The following FHIP1A variants were observed in gnomAD, a reference collection of about 807,000 sequenced individuals.
FHIP1A encodes the protein FHF complex subunit HOOK-interacting protein 1A.
A neutral mutation model predicts 88.6 loss-of-function variants in FHIP1A; 61 were observed. The ratio of observed to expected loss-of-function variants is 0.69; its 90% CI spans 0.56 to 0.85. The LOEUF (loss-of-function observed/expected upper bound fraction) is 0.85, where lower values mean the gene tolerates loss of function less well. FHIP1A is among the 40% of genes least tolerant of loss of function. FHIP1A has a pLI of 0.00. For missense variants in FHIP1A, 1,154 were observed against 1,273.5 expected (o/e 0.91, Z 1.43); for synonymous variants, 478 against 496.0 (o/e 0.96, Z 0.48).
rs1732734767 is a variant in FHIP1A at position 151,551,550 on chromosome 4, CTTTGA to C, written c.-122-14587_-122-14583del. Among the ~76,000 whole-genome samples the C allele has an allele frequency of 7.2e-5, 5 of 69,510 alleles. 1 individual carries two copies. The South Asian group carries it at 2.0e-3, about 28-fold the overall frequency. 45.6% of individuals were successfully genotyped at this position (69,510 alleles called of 152,430 possible). ...CACCACACATCTACAACCATCTGAT[CTTTGA>C]CAAACCTGACAAAAGCAAGAAATGG... is the stretch of plus-strand genomic sequence containing the variant. On this transcript the variant is annotated intron_variant, in intron 3 of 13. Coordinates refer to ENST00000435205, the MANE Select transcript of FHIP1A (RefSeq NM_001109977.3).
At chr4:151,571,280 G>A (rs948273586) in intron 4 of FHIP1A, among the ~76,000 whole-genome samples, 1 of 152,208 alleles carries the variant, frequency 6.6e-6, no homozygotes, top group Non-Finnish European at 1.5e-5. Context: ...CTTCTAGTTA[G>A]TTAATAGCCC....
chr4:151,456,349 A>G (rs1257570497), intron 2 of FHIP1A, among the ~76,000 whole-genome samples: 2 of 152,228 alleles, frequency 1.3e-5, no homozygotes, highest in Non-Finnish European at 2.9e-5. Flanking sequence ...AGACAGGGCC[A>G]GCGGGTGGTG....
chr4:151,468,390 G>A (rs1729401906), intron 2 of FHIP1A, among the ~76,000 whole-genome samples: 1 of 151,474 alleles, frequency 6.6e-6, no homozygotes, highest in African/African-American at 2.4e-5. Flanking sequence ...TAAACTTTTT[G>A]GGTGATTCTG....
rs114169142 is a variant in FHIP1A, at chr4:151,595,566, G to A, written c.978+6640G>A. On this transcript the variant is annotated intron_variant, in intron 7 of 13. Transcript: ENST00000435205. ...TTGGTCCAGAGCTGAGTTGAAGTCC[G>A]TCCTGGATATCTTTGTTAATTTTCT... is the stretch of plus-strand genomic sequence containing the variant. 6.1e-3 allele frequency among the ~76,000 whole-genome samples: 924 copies of A among 152,064 alleles called. 8 individuals carry two copies. The highest frequency in any genetic ancestry group is 0.02 in the African/African-American group (848 of 41,504).
At chr4:151,530,924 G>A (rs1731853390) in intron 3 of FHIP1A, among the ~76,000 whole-genome samples, 1 of 115,784 alleles carries the variant, frequency 8.6e-6, no homozygotes, top group Admixed American at 8.5e-5. Flanking sequence ...ATAATAATCA[G>A]GATAATTGCC....
At chr4:151,585,895 C>T (rs1734191649) in intron 5 of FHIP1A, among the ~76,000 whole-genome samples, 1 of 152,136 alleles carries the variant, frequency 6.6e-6, no homozygotes, top group Admixed American at 6.5e-5. Flanking sequence ...ATTCACCTTC[C>T]ATGTGATGCT....
chr4:151,664,168 G>T lies in FHIP1A; in HGVS notation c.*1414G>T, dbSNP rs1318713195. ...TGTTTGGAAGGAAATTGGAAGGTTT[G>T]TCTCTCTCTGTTCTTTGTGGGCATC... On this transcript the variant is annotated 3_prime_UTR_variant, in exon 14 of 14. Transcript: ENST00000435205. Among the ~76,000 whole-genome samples the T allele has an allele frequency of 6.6e-6, 1 of 152,188 alleles. No individual in the cohort carries two copies. The highest frequency in any genetic ancestry group is 1.5e-5 in the Non-Finnish European group (1 of 68,032).
intron 7 of FHIP1A, among the ~76,000 whole-genome samples, chr4:151,600,380 A>G (rs1734817485): frequency 6.6e-6 from 1 of 152,154 alleles, no homozygotes; most frequent in African/African-American, 2.4e-5. Flanking sequence ...AGAAGCAGAG[A>G]AGTCTAGAAT....
chr4:151,540,451 A>G (rs545329718), intron 3 of FHIP1A, among the ~76,000 whole-genome samples: 1 of 152,330 alleles, frequency 6.6e-6, no homozygotes, highest in Admixed American at 6.5e-5. Context: ...TAGCTTTTCA[A>G]ATACTTAAAT....
chr4:151,492,130 A>G (rs1730304477), intron 3 of FHIP1A, among the ~76,000 whole-genome samples: 1 of 148,880 alleles, frequency 6.7e-6, no homozygotes, highest in Admixed American at 6.6e-5. Context: ...AGTGGTCTTA[A>G]ACTATACCGT....
At chr4:151,650,630 A>G in intron 11 of FHIP1A, 38 bp downstream of exon 11, 1 of 1,516,530 alleles carries the variant, frequency 6.6e-7, no homozygotes, top group Non-Finnish European at 8.8e-7. Context: ...TCTGCTTTCG[A>G]AAGTACTTGT....
At chr4:151,547,704 A>C (rs1396644443) in intron 3 of FHIP1A, among the ~76,000 whole-genome samples, 1 of 152,160 alleles carries the variant, frequency 6.6e-6, no homozygotes, top group Non-Finnish European at 1.5e-5. Flanking sequence ...ACCTGAGTTC[A>C]GGAGTTTGAG....
intron 13 of FHIP1A, among the ~76,000 whole-genome samples, chr4:151,659,655 G>A (rs1355923786): frequency 6.6e-6 from 1 of 152,086 alleles, no homozygotes; most frequent in African/African-American, 2.4e-5. Flanking sequence ...ACTTCCCTCC[G>A]TCCTGCCTTT....
Position 151,527,286 on chromosome 4 carries a change from C to T in FHIP1A, c.-122-38852C>T, listed in dbSNP as rs1731709061. 2.0e-5 allele frequency among the ~76,000 whole-genome samples: 3 copies of T among 152,214 alleles called. No individual in the cohort carries two copies. In the East Asian group the frequency reaches 5.8e-4, roughly 29 times the overall value. ...TCTGCAATCCCGGCACCTCGGGAGG[C>T]CGAGGCTGGCAGATCACTCGCGGTT... On this transcript the variant is annotated intron_variant, in intron 3 of 13. Coordinates refer to ENST00000435205, the MANE Select transcript of FHIP1A (RefSeq NM_001109977.3).
chr4:151,540,042 A>C (rs1353207922), intron 3 of FHIP1A, among the ~76,000 whole-genome samples: 1 of 152,238 alleles, frequency 6.6e-6, no homozygotes. Flanking sequence ...TATGCAAGAA[A>C]GACAACTTTG....
chr4:151,577,883 T>G lies in FHIP1A; in HGVS notation c.539T>G (p.Leu180Ter). Residue 180 changes from leucine to a stop codon, truncating the protein, a stop_gained, in exon 5 of 14, where the codon TTA becomes TGA. Transcript: ENST00000435205. LOFTEE classifies it high-confidence loss of function. ...ATTCTTGCCAAAGATCCATCCATTT[T>G]AGAACTCTTCTTCCACACTAGTGAA... ...CSILAKDPSILELFFHTSEDQ... is the reference protein window; with the variant it reads ...CSILAKDPSI 6.4e-7 allele frequency: 1 copy of G among 1,551,878 alleles called. No individual in the cohort carries two copies. Among genetic ancestry groups the G allele is most frequent in the Non-Finnish European group, 8.7e-7 (1 of 1,147,014 alleles).
intron 8 of FHIP1A, among the ~76,000 whole-genome samples, chr4:151,630,590 C>G (rs1347027891): frequency 6.6e-6 from 1 of 151,632 alleles, no homozygotes. Context: ...TACTGGAAGC[C>G]CTAGAGCAAC....
intron 1 of FHIP1A, among the ~76,000 whole-genome samples, chr4:151,411,730 A>G (rs1169286910): frequency 6.6e-6 from 1 of 152,154 alleles, no homozygotes; most frequent in Non-Finnish European, 1.5e-5. Flanking sequence ...GCTTTATTTA[A>G]TCTGTTTAGA....
chr4:151,655,953 T>G (rs1014603358), intron 11 of FHIP1A, among the ~76,000 whole-genome samples: 2 of 152,290 alleles, frequency 1.3e-5, no homozygotes, highest in East Asian at 3.9e-4. Flanking sequence ...ATTTGTTTTT[T>G]TTTCCCGAGA....
Sources: gnomAD v4.1 joint callset for allele counts (sites outside exome capture counted in the v4.1 genomes callset) on GRCh38, gnomAD v4.1.1 for gene constraint, MANE v1.5 for transcripts, NCBI Gene and HGNC (gene_info 2026-07-23, HGNC 2026-07-21) for gene names.